The following PLCG2 variants were observed in gnomAD, a reference collection of about 807,000 sequenced individuals.
PLCG2 encodes phospholipase C gamma 2, also known as 1-phosphatidylinositol 4,5-bisphosphate phosphodiesterase gamma-2.
Under a neutral mutation model 175.6 loss-of-function variants are expected in PLCG2, and 69 were observed. The ratio of observed to expected loss-of-function variants is 0.39; its 90% confidence interval spans 0.32 to 0.48. PLCG2 has a LOEUF of 0.48. Ranked by LOEUF, PLCG2 falls within the 20% of genes least tolerant of loss-of-function variation. The pLI is 0.91. For missense variants in PLCG2, 1,798 were observed against 1,650.9 expected (o/e 1.09, Z -1.54); for synonymous variants, 827 against 624.0 (o/e 1.33, Z -4.85).
intron 2 of PLCG2, among the ~76,000 whole-genome samples, chr16:81,844,143 ATTTTTTTTTTTT>A (rs60183943): frequency 6.4e-5 from 6 of 93,910 alleles, no homozygotes; most frequent in Non-Finnish European, 1.2e-4. Flanking sequence ...CACCCGGCTG[ATTTTTTTTTTTT>A]TTTTTTTTTT....
Position 81,791,804 on chromosome 16 carries a change from A to T in PLCG2, c.193+5622A>T, listed in dbSNP as rs529603209. The stretch of plus-strand genomic sequence containing the variant: ...GGTCTTGAGCTCCTGACCTCTCGTG[A>T]TCTGCCCACCCTGGCCTCCCAAAGT... On this transcript the variant is annotated intron_variant, in intron 2 of 32. Transcript: ENST00000564138. Among the ~76,000 whole-genome samples the T allele has an allele frequency of 7.9e-5, 12 of 152,242 alleles. No individual in the cohort carries two copies. In the South Asian group the frequency reaches 2.1e-3, roughly 26 times the overall value.
chr16:81,857,751 A>G (rs1906757791), intron 3 of PLCG2, among the ~76,000 whole-genome samples: 1 of 152,178 alleles, frequency 6.6e-6, no homozygotes, highest in South Asian at 2.1e-4. Flanking sequence ...GATTCAACAT[A>G]TGAATTCGGA....
intron 5 of PLCG2, among the ~76,000 whole-genome samples, chr16:81,865,449 G>A (rs959878448): frequency 9.9e-5 from 15 of 152,144 alleles, no homozygotes; most frequent in African/African-American, 2.4e-5. Flanking sequence ...GAAGCTCTCA[G>A]CCTCCAGTGT....
chr16:81,859,818 G>A (rs1481667940), intron 5 of PLCG2, among the ~76,000 whole-genome samples: 2 of 152,158 alleles, frequency 1.3e-5, no homozygotes, highest in South Asian at 2.1e-4. Context: ...TTACAGGCAT[G>A]AGCCACCGCG....
chr16:81,907,699 C>G lies in PLCG2; in HGVS notation c.1482C>G (p.His494Gln), dbSNP rs1909436734. 2 of 1,613,520 alleles carry G rather than the reference C, an allele frequency of 1.2e-6. No homozygotes were observed. The highest frequency in any genetic ancestry group is 1.7e-6 in the Non-Finnish European group (2 of 1,179,402). The change falls in exon 16 of 33, where the codon CAC becomes CAG. Residue 494 changes from histidine to glutamine, a missense_variant. Coordinates refer to ENST00000564138, the MANE Select transcript of PLCG2 (RefSeq NM_002661.5). Reference protein sequence around the residue: ...WDSIDQKWTRHYCAIADAKLS... With the variant: ...WDSIDQKWTRQYCAIADAKLS... ...TCACTTTCTAGAAATGGACTCGGCA[C>G]TACTGCGCCATTGCCGATGCCAAGC...
chr16:81,877,409 T>G (rs1409701732), intron 7 of PLCG2, among the ~76,000 whole-genome samples: 5 of 152,148 alleles, frequency 3.3e-5, no homozygotes, highest in Admixed American at 2.0e-4. Context: ...GAGCCGAGAT[T>G]GCGCCACTGC....
chr16:81,850,128 TTTTA>T (rs1906331552), intron 2 of PLCG2, among the ~76,000 whole-genome samples: 1 of 152,212 alleles, frequency 6.6e-6, no homozygotes, highest in Non-Finnish European at 1.5e-5. Flanking sequence ...GATGTATGCA[TTTTA>T]TTTGTCTTCA....
intron 9 of PLCG2, among the ~76,000 whole-genome samples, chr16:81,884,126 G>A (rs989096801): frequency 3.3e-5 from 5 of 152,192 alleles, no homozygotes; most frequent in Admixed American, 1.3e-4. Flanking sequence ...CGAGGCGGGC[G>A]GATCACTTGA....
At position 81,907,821 on chromosome 16, in the gene PLCG2, C is replaced by G. The variant is rs754255662; in HGVS notation, c.1557+47C>G. 3.5e-6 allele frequency: 5 copies of G among 1,421,312 alleles called. No homozygotes were observed. The African/African-American group carries it at 5.6e-5, about 16-fold the overall frequency. The allele number at this position is 1,421,312 out of a possible 1,614,324, so 88.0% of individuals were successfully genotyped here. On this transcript the variant is annotated intron_variant, in intron 16 of 32. Transcript: ENST00000564138. ...ATAGGGAGGAGGTCCCCAGGAACCCCGAGGACCAGCCAGTCCCCGGGACCT... is the reference window on the plus strand; with the variant it reads ...ATAGGGAGGAGGTCCCCAGGAACCCGGAGGACCAGCCAGTCCCCGGGACCT...
intron 13 of PLCG2, among the ~76,000 whole-genome samples, chr16:81,896,588 A>C (rs1438360377): frequency 6.6e-6 from 1 of 152,092 alleles, no homozygotes; most frequent in Non-Finnish European, 1.5e-5. Flanking sequence ...AAAGGAAAAA[A>C]ACCCAAAAAA....
At chr16:81,914,431 G>A (rs1020430107) in intron 19 of PLCG2, among the ~76,000 whole-genome samples, 1 of 152,192 alleles carries the variant, frequency 6.6e-6, no homozygotes, top group Non-Finnish European at 1.5e-5. Flanking sequence ...TCTGGGGATG[G>A]GGTTGGGGTC....
intron 1 of PLCG2, among the ~76,000 whole-genome samples, chr16:81,779,791 CGG>C (rs1910647792): frequency 6.6e-6 from 1 of 152,184 alleles, no homozygotes; most frequent in African/African-American, 2.4e-5. Flanking sequence ...TCTCTCTTGA[CGG>C]CCCTTGTGCC....
intron 1 of PLCG2, among the ~76,000 whole-genome samples, chr16:81,750,286 G>A (rs528207621): frequency 2.6e-5 from 4 of 152,012 alleles, no homozygotes; most frequent in Non-Finnish European, 5.9e-5. Context: ...TGGACATGGT[G>A]GCGGGCATCC....
At chr16:81,799,583 C>T (rs1911628662) in intron 2 of PLCG2, among the ~76,000 whole-genome samples, 2 of 148,884 alleles carry the variant, frequency 1.3e-5, no homozygotes, top group South Asian at 4.4e-4. Flanking sequence ...AGCCACTGAG[C>T]CTGGCCTGTT....
At chr16:81,827,086 A>G (rs1905077743) in intron 2 of PLCG2, among the ~76,000 whole-genome samples, 2 of 152,146 alleles carry the variant, frequency 1.3e-5, no homozygotes, top group Admixed American at 1.3e-4. Context: ...CTAGGGCTGC[A>G]TGTCCTTGTT....
At position 81,923,677 on chromosome 16, in the gene PLCG2, G is replaced by A. The variant is rs558476840; in HGVS notation, c.2417+83G>A. On this transcript the variant is annotated intron_variant, in intron 22 of 32. Coordinates refer to ENST00000564138, the MANE Select transcript of PLCG2 (RefSeq NM_002661.5). ...GTGATAAGACTCAGGTGCTGGCCAA[G>A]TCTGACCCCCTTTGTCATCCTGGGC... The A allele has an allele frequency of 1.9e-4, 151 of 789,948 alleles. 2 individuals carry two copies. In the South Asian group the frequency reaches 2.1e-3, roughly 11 times the overall value. The allele number at this position is 789,948 out of a possible 1,614,324, so 48.9% of individuals were successfully genotyped here. A position where few individuals can be genotyped will look rare whatever the true frequency, so the allele number is the denominator to read the frequency against.
rs11866355 is a variant in PLCG2 at position 81,807,848 on chromosome 16, A to C, written c.193+21666A>C. 3.3e-5 allele frequency among the ~76,000 whole-genome samples: 5 copies of C among 152,030 alleles called. No individual in the cohort carries two copies. The East Asian group carries it at 9.7e-4, about 29-fold the overall frequency. ...TGGAGAAAGCAGGAGCAAGAGAGAG[A>C]GGGAGGGAGGTGCCACATACTTTTC... is the stretch of plus-strand genomic sequence containing the variant. On this transcript the variant is annotated intron_variant, in intron 2 of 32. Transcript: ENST00000564138.
At chr16:81,892,229 C>A (rs1008882636) in intron 11 of PLCG2, among the ~76,000 whole-genome samples, 1 of 152,168 alleles carries the variant, frequency 6.6e-6, no homozygotes, top group Non-Finnish European at 1.5e-5. Flanking sequence ...GCAGGTCCTG[C>A]TGGAGCAGGA....
intron 22 of PLCG2, among the ~76,000 whole-genome samples, chr16:81,926,213 G>C (rs1054817434): frequency 2.0e-5 from 3 of 152,220 alleles, no homozygotes. Context: ...GTGATGTCTG[G>C]GAGTCCTGGG....
Sources: allele counts gnomAD v4.1 joint callset (sites outside exome capture counted in the v4.1 genomes callset), GRCh38; gene constraint gnomAD v4.1.1; transcripts MANE v1.5; gene names NCBI Gene and HGNC (gene_info 2026-07-23, HGNC 2026-07-21).